The following ANKRD11 variants were observed in gnomAD, a reference collection of about 807,000 sequenced individuals.
ANKRD11 encodes the protein ankyrin repeat domain-containing protein 11.
Under a neutral mutation model 195.7 loss-of-function variants are expected in ANKRD11, and 17 were observed. That is an observed-to-expected ratio of 0.09 (90% CI 0.06 to 0.13). The LOEUF (loss-of-function observed/expected upper bound fraction) is 0.13, where lower values mean the gene tolerates loss of function less well. Ranked by LOEUF, ANKRD11 falls within the 10% of genes least tolerant of loss-of-function variation. The probability of loss-of-function intolerance (pLI) is 1.00; values close to 1 mark genes in which losing one functional copy is unlikely to be tolerated. For missense variants in ANKRD11, 3,735 were observed against 3,566.1 expected (o/e 1.05, Z -1.21); for synonymous variants, 1,953 against 1,528.1 (o/e 1.28, Z -6.49).
rs568598994 is a variant in ANKRD11 at position 89,385,549 on chromosome 16, T to C, written c.-60+32735A>G. Among the ~76,000 whole-genome samples, 31 of 151,496 alleles carry C rather than the reference T, an allele frequency of 2.0e-4. 2 individuals carry two copies. The South Asian group carries it at 6.5e-3, about 32-fold the overall frequency. On this transcript the variant is annotated intron_variant, in intron 2 of 12. Coordinates refer to ENST00000301030, the MANE Select transcript of ANKRD11 (RefSeq NM_013275.6). ...GTATCCCTGTGTCAGAGCCTCAAGC[T>C]GCTCCCTACCAATTCTCCAACTCTA...
At chr16:89,441,626 G>C (rs2043485782) in intron 1 of ANKRD11, among the ~76,000 whole-genome samples, 1 of 152,004 alleles carries the variant, frequency 6.6e-6, no homozygotes, top group Admixed American at 6.6e-5. Context: ...AATTAGCTGG[G>C]TGTGGTGGTG....
intron 2 of ANKRD11, among the ~76,000 whole-genome samples, chr16:89,323,605 G>A (rs78329125): frequency 0.031 from 1,114 of 35,934 alleles, 151 homozygotes; most frequent in African/African-American, 0.062. Context: ...GGCTGAGCCC[G>A]GGGCAGGGGA....
At chr16:89,358,826 CT>C (rs1263769188) in intron 2 of ANKRD11, among the ~76,000 whole-genome samples, 1 of 151,876 alleles carries the variant, frequency 6.6e-6, no homozygotes, top group Non-Finnish European at 1.5e-5. Flanking sequence ...TGTTTTTTGC[CT>C]GTAGGTTTTT....
At chr16:89,393,784 T>C (rs2041307117) in intron 2 of ANKRD11, among the ~76,000 whole-genome samples, 1 of 152,282 alleles carries the variant, frequency 6.6e-6, no homozygotes, top group South Asian at 2.1e-4. Flanking sequence ...GGCAGAGCTC[T>C]GCATGGCATC....
intron 2 of ANKRD11, among the ~76,000 whole-genome samples, chr16:89,359,130 T>C (rs77650844): frequency 0.034 from 5,117 of 152,140 alleles, 281 homozygotes; most frequent in African/African-American, 0.12. Flanking sequence ...ATTGTCACTG[T>C]CCTCATCTAA....
chr16:89,281,860 G>A lies in ANKRD11; in HGVS notation c.4682C>T (p.Pro1561Leu), dbSNP rs202079355. The A allele has an allele frequency of 1.2e-6, 2 of 1,613,976 alleles. No homozygotes were observed. The highest frequency in any genetic ancestry group is 2.2e-5 in the East Asian group (1 of 44,886). ...GNDKVAPSKD[P>L]GKKDARPREK... The stretch of plus-strand genomic sequence containing the variant: ...CCTGGGCCTGGCGTCTTTCTTGCCT[G>A]GGTCTTTGGATGGCGCTACCTTATC... Residue 1561 changes from proline to leucine, a missense_variant, in exon 9 of 13, where the codon CCA becomes CTA. Coordinates refer to ENST00000301030, the MANE Select transcript of ANKRD11 (RefSeq NM_013275.6). The surrounding 1 kb of genome is among the most constrained non-coding windows in gnomAD (Gnocchi z 5.5).
intron 2 of ANKRD11, among the ~76,000 whole-genome samples, chr16:89,326,867 CTGGTGG>C (rs2037755044): frequency 1.3e-5 from 2 of 152,244 alleles, no homozygotes; most frequent in East Asian, 1.9e-4. Context: ...CCAGGGGCTG[CTGGTGG>C]CATCCGGGCA....
At chr16:89,382,270 G>C (rs540487561) in intron 2 of ANKRD11, among the ~76,000 whole-genome samples, 5 of 152,028 alleles carry the variant, frequency 3.3e-5, no homozygotes, top group Non-Finnish European at 7.4e-5. Context: ...GAAATTCCTT[G>C]AGCCTCTAAC....
intron 2 of ANKRD11, among the ~76,000 whole-genome samples, chr16:89,352,441 G>A (rs1173327581): frequency 1.3e-5 from 2 of 151,628 alleles, no homozygotes; most frequent in East Asian, 2.0e-4. Flanking sequence ...TGGCAGGAGG[G>A]CACTTGCTGA....
chr16:89,291,247 G>C lies in ANKRD11; in HGVS notation c.227-64C>G. 1 of 1,595,820 alleles carries C rather than the reference G, an allele frequency of 6.3e-7. No individual in the cohort carries two copies. The highest frequency in any genetic ancestry group is 8.5e-7 in the Non-Finnish European group (1 of 1,172,562). ...ATGCCATGGTGTCCTCCAAAGCTAG[G>C]TCCTTACCTAATGTTACGGAGCCCC... On this transcript the variant is annotated intron_variant, in intron 4 of 12. Coordinates refer to ENST00000301030, the MANE Select transcript of ANKRD11 (RefSeq NM_013275.6). The surrounding 1 kb of genome is among the most constrained non-coding windows in gnomAD (Gnocchi z 5.3).
chr16:89,481,009 C>T (rs2057427116), intron 1 of ANKRD11, among the ~76,000 whole-genome samples: 1 of 152,186 alleles, frequency 6.6e-6, no homozygotes, highest in Non-Finnish European at 1.5e-5. Context: ...ACAGTAGGCA[C>T]AAAATAAACA....
chr16:89,423,742 C>T (rs887096274), intron 1 of ANKRD11, among the ~76,000 whole-genome samples: 7 of 152,162 alleles, frequency 4.6e-5, no homozygotes, highest in Non-Finnish European at 8.8e-5. Flanking sequence ...AGATGTGCTT[C>T]GATGGTGTAA....
At chr16:89,402,657 G>A (rs985982984) in intron 2 of ANKRD11, among the ~76,000 whole-genome samples, 2 of 149,640 alleles carry the variant, frequency 1.3e-5, no homozygotes, top group African/African-American at 4.9e-5. Context: ...GCACTGCAGG[G>A]TGAGGTGAAG....
At chr16:89,439,788 C>G (rs532274083) in intron 1 of ANKRD11, among the ~76,000 whole-genome samples, 1 of 152,326 alleles carries the variant, frequency 6.6e-6, no homozygotes, top group Non-Finnish European at 1.5e-5. Flanking sequence ...CTCCGTCCCC[C>G]TCAGAACTCT....
chr16:89,385,327 C>T (rs2040860958), intron 2 of ANKRD11, among the ~76,000 whole-genome samples: 1 of 152,030 alleles, frequency 6.6e-6, no homozygotes, highest in African/African-American at 2.4e-5. Flanking sequence ...CGCTGTTTTG[C>T]CATGTTGGCC....
At chr16:89,353,164 A>G (rs1271840055) in intron 2 of ANKRD11, among the ~76,000 whole-genome samples, 1 of 152,102 alleles carries the variant, frequency 6.6e-6, no homozygotes, top group Non-Finnish European at 1.5e-5. Flanking sequence ...CAATATGGTG[A>G]AACCCCGTCT....
chr16:89,446,144 T>C (rs2043782360), intron 1 of ANKRD11, among the ~76,000 whole-genome samples: 1 of 151,886 alleles, frequency 6.6e-6, no homozygotes, highest in Non-Finnish European at 1.5e-5. Flanking sequence ...TCCAATTGCA[T>C]TTCATGAAGG....
Position 89,280,438 on chromosome 16 carries a change from TCCAGC to T in ANKRD11, c.6099_6103del (p.Leu2034GlyfsTer66). 6.3e-7 allele frequency: 1 copy of T among 1,582,796 alleles called. No homozygotes were observed. Among genetic ancestry groups the T allele is most frequent in the Non-Finnish European group, 8.6e-7 (1 of 1,163,178 alleles). On this transcript the variant is annotated frameshift_variant, in exon 9 of 13. Coordinates refer to ENST00000301030, the MANE Select transcript of ANKRD11 (RefSeq NM_013275.6). LOFTEE classifies it high-confidence loss of function. ...GGCGTCCACTCCGTCCTTGACGTCCTCCAGCCCCGGCTCAGCGACGGGCAGAGCGT... is the reference window on the plus strand; with the variant it reads ...GGCGTCCACTCCGTCCTTGACGTCCTCCCGGCTCAGCGACGGGCAGAGCGT...
intron 2 of ANKRD11, among the ~76,000 whole-genome samples, chr16:89,358,092 C>A (rs1270310295): frequency 6.6e-6 from 1 of 152,192 alleles, no homozygotes. Flanking sequence ...CAACTTTTGA[C>A]CCAAGGACAC....
Sources: allele counts gnomAD v4.1 joint callset (sites outside exome capture counted in the v4.1 genomes callset), GRCh38; gene constraint gnomAD v4.1.1; non-coding constraint Gnocchi (gnomAD v3.1); transcripts MANE v1.5; gene names NCBI Gene and HGNC (gene_info 2026-07-23, HGNC 2026-07-21).